Variants in HMGCLL1 observed in about 807,000 individuals in gnomAD.
HMGCLL1 encodes the protein 3-hydroxy-3-methylglutaryl-CoA lyase like 1, also known as 3-hydroxymethyl-3-methylglutaryl-CoA lyase, cytoplasmic.
Under a neutral mutation model 39.1 loss-of-function variants are expected in HMGCLL1, and 36 were observed. The observed-to-expected ratio is 0.92, with a 90% CI of 0.71 to 1.22. The LOEUF is 1.22. HMGCLL1 is among the 50% of genes most tolerant of loss of function. The pLI, the probability that HMGCLL1 is intolerant of heterozygous loss-of-function variation, is 0.00. For missense variants in HMGCLL1, 451 were observed against 416.5 expected, an observed-to-expected ratio of 1.08 and a Z score of -0.72; for synonymous variants, 149 against 144.0, an observed-to-expected ratio of 1.03 and a Z score of -0.25.
intron 7 of HMGCLL1, among the ~76,000 whole-genome samples, chr6:55,470,470 T>C (rs984047710): frequency 6.6e-6 from 1 of 151,862 alleles, no homozygotes; most frequent in Admixed American, 6.6e-5. Flanking sequence ...TTGTAATTGA[T>C]AGCTTTGGTT....
the HMGCLL1 span, among the ~76,000 whole-genome samples, chr6:55,628,671 C>G: frequency 2.5e-4 from 38 of 152,152 alleles, no homozygotes; most frequent in South Asian, 6.2e-4. Flanking sequence ...AGTGTCCCCA[C>G]CCAAATCTCA....
chr6:55,479,512 G>A (rs1258959688), intron 7 of HMGCLL1, among the ~76,000 whole-genome samples: 1 of 151,318 alleles, frequency 6.6e-6, no homozygotes, highest in Non-Finnish European at 1.5e-5. Context: ...CTAATCACTT[G>A]CCACTCTCAT....
At chr6:55,564,455 T>C (rs920919348) in intron 1 of HMGCLL1, among the ~76,000 whole-genome samples, 1 of 152,124 alleles carries the variant, frequency 6.6e-6, no homozygotes, top group African/African-American at 2.4e-5. Flanking sequence ...GTTTGTTACA[T>C]ATGTATACAT....
chr6:55,507,791 T>G (rs982753405), intron 5 of HMGCLL1, among the ~76,000 whole-genome samples: 1 of 151,782 alleles, frequency 6.6e-6, no homozygotes, highest in African/African-American at 2.4e-5. Context: ...GCTCCCACAT[T>G]ATATTTTATT....
the HMGCLL1 span, among the ~76,000 whole-genome samples, chr6:55,611,528 C>T: frequency 6.6e-6 from 1 of 152,104 alleles, no homozygotes; most frequent in Non-Finnish European, 1.5e-5. Flanking sequence ...AAGCATCAGG[C>T]CAATATCCCT....
At chr6:55,489,525 G>A (rs1042492531) in intron 7 of HMGCLL1, among the ~76,000 whole-genome samples, 1 of 151,642 alleles carries the variant, frequency 6.6e-6, no homozygotes, top group Non-Finnish European at 1.5e-5. Context: ...AATAGATAAG[G>A]CTTTCTTTTC....
the HMGCLL1 span, among the ~76,000 whole-genome samples, chr6:55,601,324 T>C: frequency 2.0e-5 from 3 of 152,154 alleles, no homozygotes; most frequent in Admixed American, 1.3e-4. Flanking sequence ...TCTGTATGGC[T>C]GACAGCTAAC....
the HMGCLL1 span, among the ~76,000 whole-genome samples, chr6:55,623,845 A>G: frequency 0.025 from 3,823 of 152,144 alleles, 73 homozygotes; most frequent in Non-Finnish European, 0.04. Context: ...GAATTCTGCC[A>G]GCTGCTAAGT....
the HMGCLL1 span, among the ~76,000 whole-genome samples, chr6:55,589,206 A>G: frequency 0.085 from 12,948 of 152,226 alleles, 747 homozygotes; most frequent in Non-Finnish European, 0.13. Context: ...CTTATCCACC[A>G]TGATCAAGTG....
At chr6:55,518,268 T>A (rs72976261) in intron 3 of HMGCLL1, among the ~76,000 whole-genome samples, 6,696 of 152,206 alleles carry the variant, frequency 0.044, 226 homozygotes, top group Non-Finnish European at 0.063. Flanking sequence ...AATATACTGG[T>A]TGTAAATGAG....
the HMGCLL1 span, among the ~76,000 whole-genome samples, chr6:55,588,640 A>C: frequency 5.9e-3 from 894 of 152,254 alleles, 11 homozygotes; most frequent in South Asian, 0.038. Flanking sequence ...AAAGATCAAC[A>C]AAATTGATAG....
At chr6:55,619,306 G>A in the HMGCLL1 span, among the ~76,000 whole-genome samples, 4 of 152,024 alleles carry the variant, frequency 2.6e-5, no homozygotes, top group Non-Finnish European at 5.9e-5. Flanking sequence ...GGCTGTAAAA[G>A]CATTAAATTC....
rs761411758 is a variant in HMGCLL1 at position 55,490,941 on chromosome 6, A to G, written c.795+4478T>C. 2.0e-5 allele frequency among the ~76,000 whole-genome samples: 3 copies of G among 152,120 alleles called. No individual in the cohort carries two copies. In the South Asian group the frequency reaches 6.2e-4, roughly 31 times the overall value. On this transcript the variant is annotated intron_variant, in intron 7 of 8. Transcript: ENST00000274901. ...AACAATCCAACCACTTGTAAAAAAC[A>G]TATATAAAGGCACTTTGTTCATCTT...
At chr6:55,589,793 C>G in the HMGCLL1 span, among the ~76,000 whole-genome samples, 2 of 152,070 alleles carry the variant, frequency 1.3e-5, no homozygotes, top group African/African-American at 4.8e-5. Flanking sequence ...GAGTGAACTC[C>G]CATTCACAAT....
At chr6:55,510,903 C>T (rs1215199799) in intron 5 of HMGCLL1, among the ~76,000 whole-genome samples, 1 of 151,330 alleles carries the variant, frequency 6.6e-6, no homozygotes, top group Non-Finnish European at 1.5e-5. Context: ...CTAAGAATTT[C>T]CTTTTTAAAT....
intron 1 of HMGCLL1, 36 bp downstream of exon 1, chr6:55,578,912 A>C: frequency 1.4e-6 from 2 of 1,480,034 alleles, no homozygotes; most frequent in Non-Finnish European, 1.9e-6. Context: ...CAGTGTGCGC[A>C]TGAGGGTGGG....
At chr6:55,646,892 A>G in the HMGCLL1 span, among the ~76,000 whole-genome samples, 241 of 152,114 alleles carry the variant, frequency 1.6e-3, no homozygotes, top group Middle Eastern at 3.4e-3. Context: ...GATAATATTC[A>G]TTAGTTCCAT....
At chr6:55,589,537 A>G in the HMGCLL1 span, among the ~76,000 whole-genome samples, 10 of 152,050 alleles carry the variant, frequency 6.6e-5, no homozygotes, top group Non-Finnish European at 1.2e-4. Context: ...ACATAGTGTT[A>G]GAAGTTCTGG....
At chr6:55,548,175 C>A (rs1466846249) in intron 1 of HMGCLL1, among the ~76,000 whole-genome samples, 1 of 152,002 alleles carries the variant, frequency 6.6e-6, no homozygotes, top group Non-Finnish European at 1.5e-5. Flanking sequence ...TATCTGCTTA[C>A]TTTTTAGCAG....
Sources: gnomAD v4.1 joint callset for allele counts (sites outside exome capture counted in the v4.1 genomes callset) on GRCh38, gnomAD v4.1.1 for gene constraint, MANE v1.5 for transcripts, NCBI Gene and HGNC (gene_info 2026-07-23, HGNC 2026-07-21) for gene names.